SYNDIG1: variants seen among roughly 807,000 people sequenced by gnomAD.
SYNDIG1 encodes synapse differentiation inducing 1, also known as synapse differentiation-inducing gene protein 1.
Under a neutral mutation model 19.4 loss-of-function variants are expected in SYNDIG1, and 9 were observed. That is an observed-to-expected ratio of 0.46 (90% CI 0.28 to 0.81). The LOEUF is 0.81. Among genes scored for constraint, SYNDIG1 ranks in the 30% least tolerant of loss-of-function variants. The pLI, the probability that SYNDIG1 is intolerant of heterozygous loss-of-function variation, is 0.12. For synonymous variants in SYNDIG1, 141 were observed against 145.9 expected (o/e 0.97, Z 0.24); for missense variants, 311 against 343.3 (o/e 0.91, Z 0.74).
intron 1 of SYNDIG1, among the ~76,000 whole-genome samples, chr20:24,525,246 T>G (rs2057096908): frequency 6.6e-6 from 1 of 151,428 alleles, no homozygotes; most frequent in Non-Finnish European, 1.5e-5. Flanking sequence ...AAGAAAATGA[T>G]CTGTAAGATA....
At chr20:24,619,890 G>A (rs2059012599) in intron 3 of SYNDIG1, among the ~76,000 whole-genome samples, 1 of 152,162 alleles carries the variant, frequency 6.6e-6, no homozygotes, top group Admixed American at 6.5e-5. Flanking sequence ...TGATGCAGAG[G>A]CTTCCAAGTT....
At chr20:24,530,076 G>A (rs2097244037) in intron 1 of SYNDIG1, among the ~76,000 whole-genome samples, 1 of 1,524 alleles carries the variant, frequency 6.6e-4, no homozygotes, top group Non-Finnish European at 2.0e-3. Context: ...GGTGGACATG[G>A]CAGTGTCACA....
chr20:24,539,349 A>G (rs2057422347), intron 1 of SYNDIG1, among the ~76,000 whole-genome samples: 1 of 152,198 alleles, frequency 6.6e-6, no homozygotes, highest in Non-Finnish European at 1.5e-5. Flanking sequence ...TGTTGAAAAA[A>G]AATGTCCTTT....
intron 2 of SYNDIG1, among the ~76,000 whole-genome samples, chr20:24,551,416 G>T (rs904160340): frequency 6.6e-6 from 1 of 151,808 alleles, no homozygotes; most frequent in African/African-American, 2.4e-5. Context: ...TCATTTTTTG[G>T]ATCTTTTCAA....
intron 3 of SYNDIG1, among the ~76,000 whole-genome samples, chr20:24,664,499 G>A (rs1230746550): frequency 3.3e-5 from 5 of 152,198 alleles, no homozygotes; most frequent in South Asian, 2.1e-4. Context: ...GTGGGCTCCC[G>A]TGGCTCAGTG....
intron 1 of SYNDIG1, among the ~76,000 whole-genome samples, chr20:24,494,241 G>T (rs1420075356): frequency 6.6e-6 from 1 of 152,218 alleles, no homozygotes; most frequent in African/African-American, 2.4e-5. Context: ...TGTGGTGTAA[G>T]GGAAGATAGT....
At chr20:24,530,039 A>ATTCCCAGTGATAGTGTCAGTGGTGGGG (rs2057221743) in intron 1 of SYNDIG1, among the ~76,000 whole-genome samples, 1 of 7,182 alleles carries the variant, frequency 1.4e-4, no homozygotes, top group African/African-American at 7.3e-4. Context: ...TGATGGTGGT[A>ATTCCCAGTGATAGTGTCAGTGGTGGGG]ATGGTGAGGG....
At chr20:24,545,093 A>G (rs1225552195) in intron 2 of SYNDIG1, among the ~76,000 whole-genome samples, 1 of 152,198 alleles carries the variant, frequency 6.6e-6, no homozygotes, top group Non-Finnish European at 1.5e-5. Flanking sequence ...AGACCAGAGG[A>G]TCAGGATTGG....
At chr20:24,643,762 G>A (rs116171797) in intron 3 of SYNDIG1, among the ~76,000 whole-genome samples, 3,221 of 152,212 alleles carry the variant, frequency 0.021, 90 homozygotes, top group African/African-American at 0.068. Context: ...TGACAAATGC[G>A]CAGTGCCACA....
intron 3 of SYNDIG1, among the ~76,000 whole-genome samples, chr20:24,624,106 C>CA (rs897593639): frequency 4.0e-5 from 6 of 151,726 alleles, no homozygotes; most frequent in Non-Finnish European, 7.4e-5. Context: ...ACTAAAAATG[C>CA]AAAAAAATAG....
intron 3 of SYNDIG1, among the ~76,000 whole-genome samples, chr20:24,659,242 A>G (rs2059560360): frequency 6.6e-6 from 1 of 152,122 alleles, no homozygotes; most frequent in Non-Finnish European, 1.5e-5. Context: ...ATCTTCCTTA[A>G]TAGCTTGTGG....
intron 2 of SYNDIG1, among the ~76,000 whole-genome samples, chr20:24,558,705 T>G (rs1412024464): frequency 6.6e-6 from 1 of 152,234 alleles, no homozygotes; most frequent in Non-Finnish European, 1.5e-5. Context: ...ATTGTTATTT[T>G]CTTAGTATTG....
chr20:24,584,464 C>A (rs1236093819), intron 2 of SYNDIG1, among the ~76,000 whole-genome samples: 2 of 152,234 alleles, frequency 1.3e-5, no homozygotes, highest in African/African-American at 4.8e-5. Flanking sequence ...GGGGCCAGTT[C>A]TGCAGGTGGC....
intron 3 of SYNDIG1, among the ~76,000 whole-genome samples, chr20:24,602,640 C>T (rs2058695803): frequency 6.6e-6 from 1 of 152,190 alleles, no homozygotes; most frequent in Non-Finnish European, 1.5e-5. Context: ...CCTGGTCCAC[C>T]CTTCTGAATT....
chr20:24,620,423 G>A (rs1284809576), intron 3 of SYNDIG1, among the ~76,000 whole-genome samples: 1 of 152,194 alleles, frequency 6.6e-6, no homozygotes, highest in Non-Finnish European at 1.5e-5. Context: ...CTGGCTGTTT[G>A]CAGGGACTTT....
At chr20:24,579,880 T>A (rs1026278981) in intron 2 of SYNDIG1, among the ~76,000 whole-genome samples, 5 of 152,182 alleles carry the variant, frequency 3.3e-5, no homozygotes, top group Admixed American at 3.3e-4. Context: ...TGCTGAACAT[T>A]GTGATGTGCA....
chr20:24,569,262 A>G (rs1232367881), intron 2 of SYNDIG1, among the ~76,000 whole-genome samples: 1 of 152,198 alleles, frequency 6.6e-6, no homozygotes, highest in Non-Finnish European at 1.5e-5. Flanking sequence ...GCAGCGTGTG[A>G]CAGGAGAGTG....
intron 3 of SYNDIG1, among the ~76,000 whole-genome samples, chr20:24,628,243 C>T (rs529503019): frequency 1.1e-4 from 16 of 152,292 alleles, no homozygotes; most frequent in South Asian, 6.2e-4. Flanking sequence ...CCAGAGCCTG[C>T]GTGCCGTTAA....
chr20:24,626,860 G>C (rs923927935), intron 3 of SYNDIG1, among the ~76,000 whole-genome samples: 23 of 151,778 alleles, frequency 1.5e-4, no homozygotes, highest in Middle Eastern at 3.4e-3. Flanking sequence ...GATCACTCAC[G>C]GTTAGGAGCT....
Sources: allele counts gnomAD v4.1 joint callset (sites outside exome capture counted in the v4.1 genomes callset), GRCh38; gene constraint gnomAD v4.1.1; transcripts MANE v1.5; gene names NCBI Gene and HGNC (gene_info 2026-07-23, HGNC 2026-07-21).